ENPP4: variants seen among roughly 807,000 people sequenced by gnomAD.
ENPP4 encodes bis(5'-adenosyl)-triphosphatase ENPP4.
In ENPP4, 18 loss-of-function variants were observed where a neutral mutation model predicts 33.4. The ratio of observed to expected loss-of-function variants is 0.54; its 90% CI spans 0.37 to 0.80. The LOEUF (loss-of-function observed/expected upper bound fraction) is 0.80. Ranked by LOEUF, ENPP4 falls within the 30% of genes least tolerant of loss-of-function variation. The pLI, the probability that ENPP4 is intolerant of heterozygous loss-of-function variation, is 0.00. For missense variants in ENPP4, 480 were observed against 541.7 expected (o/e 0.89, Z 1.13); for synonymous variants, 172 against 189.9 (o/e 0.91, Z 0.78).
intron 1 of ENPP4, among the ~76,000 whole-genome samples, chr6:46,133,401 T>A (rs1763932069): frequency 6.6e-6 from 1 of 152,206 alleles, no homozygotes; most frequent in Non-Finnish European, 1.5e-5. Flanking sequence ...TTTAAAGGTG[T>A]ATGAGAGTTT....
rs1764044502 is a variant in ENPP4 at position 46,140,552 on chromosome 6, T to G, written c.826+143T>G. On this transcript the variant is annotated intron_variant, in intron 2 of 3. Transcript: ENST00000321037. ...AGTGGGATTATATGTTTTTTTCCTC[T>G]TGTTTACAAGTTGAGAGCAGTTGGC... is the stretch of plus-strand genomic sequence containing the variant. The G allele has an allele frequency of 7.0e-6, 4 of 573,966 alleles. No individual in the cohort carries two copies. In the Admixed American group the frequency reaches 1.1e-4, roughly 16 times the overall value. 35.6% of individuals were successfully genotyped at this position (573,966 alleles called of 1,614,324 possible). A position where few individuals can be genotyped will look rare whatever the true frequency, so the allele number is the denominator to read the frequency against.
rs1230760004 is a variant in ENPP4 at position 46,130,994 on chromosome 6, C to A, written c.-34+805C>A. Among the ~76,000 whole-genome samples the A allele has an allele frequency of 2.0e-5, 3 of 152,184 alleles. No homozygotes were observed. The East Asian group carries it at 5.8e-4, about 29-fold the overall frequency. On this transcript the variant is annotated intron_variant, in intron 1 of 3. Transcript: ENST00000321037. ...CTGCTGGTTTCAGTATTATGAGCTTCTATTTCTTCTTTTTTCCCCTCAGAG... is the reference window on the plus strand; with the variant it reads ...CTGCTGGTTTCAGTATTATGAGCTTATATTTCTTCTTTTTTCCCCTCAGAG...
rs1307493682 is a variant in ENPP4, at chr6:46,143,289, T to C, written c.1011T>C (p.Gly337=). 1 of 1,581,154 alleles carries C rather than the reference T, an allele frequency of 6.3e-7. No homozygotes were observed. Among genetic ancestry groups the C allele is most frequent in the Admixed American group, 1.7e-5 (1 of 57,664 alleles). The change falls in exon 4 of 4, where the codon GGT becomes GGC. Residue 337 remains glycine (G), a synonymous_variant. Coordinates refer to ENST00000321037, the MANE Select transcript of ENPP4 (RefSeq NM_014936.5). ...GTTCTTTTTCAGTAGGTGACCATGG[T>C]TATGATAATTCTTTGCCTAGTATGC... ...NESSQKLGDH[G]YDNSLPSMHP...
chr6:46,138,581 C>G (rs918132916), intron 1 of ENPP4, among the ~76,000 whole-genome samples: 2 of 151,814 alleles, frequency 1.3e-5, no homozygotes, highest in African/African-American at 4.8e-5. Flanking sequence ...TCCGGCAACT[C>G]TCTTCACCTC....
intron 1 of ENPP4, among the ~76,000 whole-genome samples, chr6:46,134,002 C>G (rs781116867): frequency 6.6e-6 from 1 of 152,092 alleles, no homozygotes. Context: ...GCTTTCTGAG[C>G]CCGGCTAATC....
intron 3 of ENPP4, among the ~76,000 whole-genome samples, chr6:46,141,996 C>T (rs982676394): frequency 1.1e-4 from 17 of 151,386 alleles, no homozygotes; most frequent in African/African-American, 3.9e-4. Context: ...AAGTGGTGTG[C>T]TTCGGTGAAA....
chr6:46,139,302 T>G (rs928766993), intron 1 of ENPP4, among the ~76,000 whole-genome samples: 1 of 151,716 alleles, frequency 6.6e-6, no homozygotes, highest in Non-Finnish European at 1.5e-5. Context: ...AGAAGGAGTA[T>G]TGATGTGGAG....
At chr6:46,133,783 T>G (rs2127491874) in intron 1 of ENPP4, among the ~76,000 whole-genome samples, 1 of 152,244 alleles carries the variant, frequency 6.6e-6, no homozygotes, top group Non-Finnish European at 1.5e-5. Context: ...AACTTCTCAT[T>G]GTTGGTTTGT....
At chr6:46,141,249 T>C in intron 3 of ENPP4, 27 bp downstream of exon 3, 1 of 1,560,326 alleles carries the variant, frequency 6.4e-7, no homozygotes, top group Non-Finnish European at 8.8e-7. Context: ...GATATTTCTG[T>C]TGTATCCTAG....
In ENPP4 at chr6:46,139,763, G is replaced by A; in HGVS notation, c.180G>A (p.Glu60=). The A allele has an allele frequency of 2.5e-6, 4 of 1,612,000 alleles. No individual in the cohort carries two copies. Among genetic ancestry groups the A allele is most frequent in the Non-Finnish European group, 3.4e-6 (4 of 1,178,816 alleles). The change falls in exon 2 of 4, where the codon GAG becomes GAA. Residue 60 remains glutamate (E), a synonymous_variant. Transcript: ENST00000321037. ...QNFIKEGVLV[E]HVKNVFITKT... is the part of the protein sequence containing the mutation. The stretch of plus-strand genomic sequence containing the variant: ...TTATCAAAGAAGGTGTTTTGGTAGA[G>A]CATGTTAAAAATGTTTTTATCACAA...
chr6:46,144,256 C>A lies in ENPP4; in HGVS notation c.*616C>A, dbSNP rs539091534. ...CCTATTTGAAAAAAAAAGCAAAGACCATTTGATAAAAGCCTGAGTTGTCAC... is the reference window on the plus strand; with the variant it reads ...CCTATTTGAAAAAAAAAGCAAAGACAATTTGATAAAAGCCTGAGTTGTCAC... On this transcript the variant is annotated 3_prime_UTR_variant, in exon 4 of 4. Coordinates refer to ENST00000321037, the MANE Select transcript of ENPP4 (RefSeq NM_014936.5). The A allele has an allele frequency of 8.6e-5, 13 of 151,514 alleles. No individual in the cohort carries two copies. The highest frequency in any genetic ancestry group is 3.1e-4 in the African/African-American group (13 of 41,374). The allele number at this position is 151,514 out of a possible 1,614,324, so 9.4% of individuals were successfully genotyped here. A position where few individuals can be genotyped will look rare whatever the true frequency, so the allele number is the denominator to read the frequency against.
intron 1 of ENPP4, among the ~76,000 whole-genome samples, chr6:46,137,843 G>T (rs1026627232): frequency 6.6e-6 from 1 of 151,772 alleles, no homozygotes; most frequent in African/African-American, 2.4e-5. Context: ...CTGTGCCTTT[G>T]GTCTTCCTAA....
At chr6:46,131,077 C>T (rs145449524) in intron 1 of ENPP4, among the ~76,000 whole-genome samples, 73 of 152,210 alleles carry the variant, frequency 4.8e-4, no homozygotes, top group African/African-American at 1.7e-3. Context: ...GCGTCTTCCC[C>T]CCACCTCCAC....
chr6:46,142,293 A>T (rs1283606674), intron 3 of ENPP4, among the ~76,000 whole-genome samples: 1 of 119,812 alleles, frequency 8.3e-6, no homozygotes, highest in Non-Finnish European at 1.9e-5. Flanking sequence ...TTTCATATAT[A>T]TATTCTTTTC....
Position 46,142,226 on chromosome 6 carries a change from T to A in ENPP4, c.997+1004T>A, listed in dbSNP as rs533372412. ...GAGAACAAAAACTATCCATAATCCC[T>A]CAGTATGGATTTATAGGCAAATGTT... On this transcript the variant is annotated intron_variant, in intron 3 of 3. Coordinates refer to ENST00000321037, the MANE Select transcript of ENPP4 (RefSeq NM_014936.5). Among the ~76,000 whole-genome samples the A allele has an allele frequency of 4.8e-5, 7 of 147,300 alleles. No individual in the cohort carries two copies. In the South Asian group the frequency reaches 1.5e-3, roughly 31 times the overall value.
intron 1 of ENPP4, among the ~76,000 whole-genome samples, chr6:46,132,250 A>G (rs569431818): frequency 4.9e-4 from 75 of 152,212 alleles, no homozygotes; most frequent in African/African-American, 1.5e-3. Context: ...CCTGAATGGT[A>G]ATGCCTAGGT....
chr6:46,131,880 G>T (rs1359752868), intron 1 of ENPP4, among the ~76,000 whole-genome samples: 1 of 152,170 alleles, frequency 6.6e-6, no homozygotes, highest in African/African-American at 2.4e-5. Flanking sequence ...TCTCATTGTG[G>T]TTTTGATTTG....
rs777265807 is a variant in ENPP4 at position 46,143,584 on chromosome 6, C to A, written c.1306C>A (p.Arg436Ser). The A allele has an allele frequency of 6.2e-7, 1 of 1,612,128 alleles. No individual in the cohort carries two copies. The highest frequency in any genetic ancestry group is 8.5e-7 in the Non-Finnish European group (1 of 1,178,604). ...IIMQNRLSVP[R>S]PFSRLQLQED... ...CATGCAGAATAGACTTTCTGTACCT[C>A]GTCCATTTTCTCGACTTCAGCTACA... Residue 436 changes from arginine to serine, a missense_variant, in exon 4 of 4, where the codon CGT (arginine) becomes AGT (serine). This residue lies in a region of ENPP4 where 249 missense variants were observed against 251.8 expected (regional missense o/e 0.99). Transcript: ENST00000321037.
At position 46,143,104 on chromosome 6, in the gene ENPP4, A is replaced by ATG. The variant is rs1180622367; in HGVS notation, c.998-169_998-168dup. 7.6e-5 allele frequency among the ~76,000 whole-genome samples: 7 copies of ATG among 92,274 alleles called. No individual in the cohort carries two copies. The East Asian group carries it at 2.0e-3, about 26-fold the overall frequency. 60.5% of individuals were successfully genotyped at this position (92,274 alleles called of 152,430 possible). A position where few individuals can be genotyped will look rare whatever the true frequency, so the allele number is the denominator to read the frequency against. ...GGCATATGTGTGTGTTTGTGTGTGT[A>ATG]TGTGAGAGAGAGAGAGAGAGAGGGA... On this transcript the variant is annotated intron_variant, in intron 3 of 3. Transcript: ENST00000321037.
Sources: gnomAD v4.1 joint callset for allele counts (sites outside exome capture counted in the v4.1 genomes callset) on GRCh38, gnomAD v4.1.1 for gene constraint, gnomAD v4.1.1 regional missense constraint, MANE v1.5 for transcripts, NCBI Gene and HGNC (gene_info 2026-07-23, HGNC 2026-07-21) for gene names.